Variants in MAVS observed in about 807,000 individuals in gnomAD.
MAVS encodes the protein mitochondrial antiviral-signaling protein.
In MAVS, 20 loss-of-function variants were observed where a neutral mutation model predicts 30.2. That is an observed-to-expected ratio of 0.66 (90% CI 0.47 to 0.96). MAVS has a LOEUF of 0.96. MAVS is among the 40% of genes least tolerant of loss of function. The pLI, the probability that MAVS is intolerant of heterozygous loss-of-function variation, is 0.00. For synonymous variants in MAVS, 278 were observed against 293.9 expected, an observed-to-expected ratio of 0.95 and a Z score of 0.55; for missense variants, 624 against 701.1, an observed-to-expected ratio of 0.89 and a Z score of 1.24.
Position 3,874,486 on chromosome 20 carries a change from G to A in MAVS, c.*8339G>A. 2.9e-6 allele frequency: 1 copy of A among 349,546 alleles called. No individual in the cohort carries two copies. The highest frequency in any genetic ancestry group is 4.2e-5 in the East Asian group (1 of 23,778). 21.7% of individuals were successfully genotyped at this position (349,546 alleles called of 1,614,324 possible). ...CAGGGGTCAAAGGCAGGCAGGGACT[G>A]TGAAATGTTATAGTGGAAAAAAAGG... On this transcript the variant is annotated 3_prime_UTR_variant, in exon 7 of 7. Transcript: ENST00000428216.
chr20:3,848,106 CTT>C (rs879579143), intron 1 of MAVS, among the ~76,000 whole-genome samples: 3 of 146,648 alleles, frequency 2.0e-5, no homozygotes, highest in Admixed American at 6.8e-5. Context: ...AGAAAGGGGT[CTT>C]TTTTTTTTTG....
rs986574731 is a variant in MAVS, at chr20:3,868,007, T to C, written c.*1860T>C. On this transcript the variant is annotated 3_prime_UTR_variant, in exon 7 of 7. Coordinates refer to ENST00000428216, the MANE Select transcript of MAVS (RefSeq NM_020746.5). ...CTCACTGTGGCCCCACCCCAAGCCG[T>C]CAGCCTCCAGGGATCTACACCCTGC... 1.6e-5 allele frequency: 2 copies of C among 122,026 alleles called. No individual in the cohort carries two copies. Among genetic ancestry groups the C allele is most frequent in the African/African-American group, 6.2e-5 (2 of 32,142 alleles). 7.6% of individuals were successfully genotyped at this position (122,026 alleles called of 1,614,324 possible).
chr20:3,867,187 C>T lies in MAVS; in HGVS notation c.*1040C>T. 2.5e-6 allele frequency: 1 copy of T among 393,366 alleles called. No homozygotes were observed. The highest frequency in any genetic ancestry group is 5.1e-6 in the Non-Finnish European group (1 of 195,880). The allele number at this position is 393,366 out of a possible 1,614,324, so 24.4% of individuals were successfully genotyped here. A position where few individuals can be genotyped will look rare whatever the true frequency, so the allele number is the denominator to read the frequency against. On this transcript the variant is annotated 3_prime_UTR_variant, in exon 7 of 7. Coordinates refer to ENST00000428216, the MANE Select transcript of MAVS (RefSeq NM_020746.5). ...AGCACAGGCAGCCTAGGCCTGCGTC[C>T]CAACCTGCCTCTCACCAGCTCTGTG...
In MAVS at chr20:3,851,736, AT is replaced by A. The variant is rs1455228679; in HGVS notation, c.-67-2821del. Among the ~76,000 whole-genome samples, 32 of 152,082 alleles carry A rather than the reference AT, an allele frequency of 2.1e-4. No individual in the cohort carries two copies. In the South Asian group the frequency reaches 6.0e-3, roughly 29 times the overall value. ...TTTGGGAGGCCAAGGCAGGCAGATC[AT>A]CTGAGGTCAGGAGTTCAAGACCAGC... On this transcript the variant is annotated intron_variant, in intron 1 of 6. Transcript: ENST00000428216.
intron 3 of MAVS, 48 bp from the exon 4 acceptor site, chr20:3,861,284 T>C: frequency 6.5e-7 from 1 of 1,546,034 alleles, no homozygotes. Context: ...TGAGCCACTG[T>C]GCCCAGCCCT....
rs2089902385 is a variant in MAVS, at chr20:3,865,807, TAGAC to T, written c.1286_1289del (p.Asp429AlafsTer93). The T allele has an allele frequency of 2.5e-6, 4 of 1,613,774 alleles. No homozygotes were observed. Among genetic ancestry groups the T allele is most frequent in the Non-Finnish European group, 3.4e-6 (4 of 1,180,020 alleles). On this transcript the variant is annotated frameshift_variant, in exon 7 of 7. Transcript: ENST00000428216. LOFTEE classifies it low-confidence loss of function (END_TRUNC). The surrounding 1 kb of genome is among the most constrained non-coding windows in gnomAD (Gnocchi z 4.7). ...AAGCCTGGCGTGCTGGCATCCCAGGTAGACAGCCCGTTCTCGGGCTGCTTCGAGG... is the reference window on the plus strand; with the variant it reads ...AAGCCTGGCGTGCTGGCATCCCAGGTAGCCCGTTCTCGGGCTGCTTCGAGG...
rs774577380 is a variant in MAVS at position 3,865,866 on chromosome 20, G to C, written c.1342G>C (p.Gly448Arg). ...TGCCATCAGTGCCAGCACCTCCTTG[G>C]GCATGGGGCCCTGCCATGGCCCAGA... ...DLAISASTSL[G>R]MGPCHGPEEN... Residue 448 changes from glycine (G) to arginine (R), a missense_variant, in exon 7 of 7, where the codon GGC becomes CGC. Coordinates refer to ENST00000428216, the MANE Select transcript of MAVS (RefSeq NM_020746.5). The surrounding 1 kb of genome is among the most constrained non-coding windows in gnomAD (Gnocchi z 4.7). The C allele has an allele frequency of 1.4e-5, 22 of 1,614,054 alleles. No homozygotes were observed. Among genetic ancestry groups the C allele is most frequent in the Non-Finnish European group, 1.4e-5 (17 of 1,180,040 alleles).
At chr20:3,858,420 C>G (rs6052128) in intron 3 of MAVS, among the ~76,000 whole-genome samples, 1 of 152,068 alleles carries the variant, frequency 6.6e-6, no homozygotes, top group Non-Finnish European at 1.5e-5. Context: ...TGTTTCACAC[C>G]TGTAATCCCA....
Position 3,864,153 on chromosome 20 carries a change from G to GAC in MAVS, c.626-99_626-98dup. 2.3e-6 allele frequency: 3 copies of GAC among 1,301,680 alleles called. No homozygotes were observed. In the East Asian group the frequency reaches 7.0e-5, roughly 30 times the overall value. The allele number at this position is 1,301,680 out of a possible 1,614,324, so 80.6% of individuals were successfully genotyped here. A position where few individuals can be genotyped will look rare whatever the true frequency, so the allele number is the denominator to read the frequency against. On this transcript the variant is annotated intron_variant, in intron 5 of 6. Coordinates refer to ENST00000428216, the MANE Select transcript of MAVS (RefSeq NM_020746.5). Reference sequence around the variant, plus strand: ...CAAGGGCAGGAGATTTGGAGGCCTAGACACAGTAGGGACCATGAGATCTGG... The same window carrying GAC: ...CAAGGGCAGGAGATTTGGAGGCCTAGACACACAGTAGGGACCATGAGATCTGG...
intron 1 of MAVS, among the ~76,000 whole-genome samples, chr20:3,849,412 C>T (rs1311410508): frequency 5.3e-5 from 8 of 151,992 alleles, no homozygotes; most frequent in Non-Finnish European, 8.8e-5. Flanking sequence ...ACCATGTTGG[C>T]GAGGCTGGTC....
rs1401316939 is a variant in MAVS at position 3,875,478 on chromosome 20, A to AAG, written c.*9332_*9333insGA. Reference sequence around the variant, plus strand: ...CTTCTTCAGTGCTGTTTTTATTTAAAAAAAAAAAAAACCAGCCAAAACCAC... The same window carrying AAG: ...CTTCTTCAGTGCTGTTTTTATTTAAAAGAAAAAAAAAAACCAGCCAAAACCAC... On this transcript the variant is annotated 3_prime_UTR_variant, in exon 7 of 7. Coordinates refer to ENST00000428216, the MANE Select transcript of MAVS (RefSeq NM_020746.5). 1.3e-5 allele frequency: 2 copies of AAG among 150,220 alleles called. No homozygotes were observed. The highest frequency in any genetic ancestry group is 5.0e-5 in the African/African-American group (2 of 39,970). The allele number at this position is 150,220 out of a possible 1,614,324, so 9.3% of individuals were successfully genotyped here.
At position 3,850,843 on chromosome 20, in the gene MAVS, A is replaced by G. The variant is rs1288363137; in HGVS notation, c.-67-3715A>G. On this transcript the variant is annotated intron_variant, in intron 1 of 6. Transcript: ENST00000428216. ...GGAGCTTGCAGTGAGCCGAGATTGC[A>G]CCACAGCACTCCAGCTTTGGTGACA... Among the ~76,000 whole-genome samples the G allele has an allele frequency of 4.8e-5, 7 of 147,340 alleles. No homozygotes were observed. In the South Asian group the frequency reaches 1.5e-3, roughly 32 times the overall value.
At position 3,864,381 on chromosome 20, in the gene MAVS, G is replaced by C; in HGVS notation, c.751G>C (p.Gly251Arg). 1 of 1,614,078 alleles carries C rather than the reference G, an allele frequency of 6.2e-7. No homozygotes were observed. ...ACCCACAGGGTCAGTTGTATCTACT[G>C]GCACCTCCTTCTCCTCCTCATCCCC... ...PGPTGSVVST[G>R]TSFSSSSPGL... is the part of the protein sequence containing the mutation. The change falls in exon 6 of 7, where the codon GGC becomes CGC. Residue 251 changes from glycine (G) to arginine (R), a missense_variant. Gly to Arg is a moderately radical substitution (Grantham distance 125). Coordinates refer to ENST00000428216, the MANE Select transcript of MAVS (RefSeq NM_020746.5).
At chr20:3,861,743 TTGTGTGTGTG>T (rs111361032) in intron 4 of MAVS, among the ~76,000 whole-genome samples, 1 of 148,796 alleles carries the variant, frequency 6.7e-6, no homozygotes, top group African/African-American at 2.5e-5. Context: ...GACCACAGTT[TTGTGTGTGTG>T]TGTGTGTGTG....
Position 3,873,995 on chromosome 20 carries a change from A to G in MAVS, c.*7848A>G. ...CACGCTGACTGTAGCCCCAAACCTGAAACAACCCAAATGTCCATCCACCAA... is the reference window on the plus strand; with the variant it reads ...CACGCTGACTGTAGCCCCAAACCTGGAACAACCCAAATGTCCATCCACCAA... On this transcript the variant is annotated 3_prime_UTR_variant, in exon 7 of 7. Transcript: ENST00000428216. 1 of 397,564 alleles carries G rather than the reference A, an allele frequency of 2.5e-6. No homozygotes were observed. Among genetic ancestry groups the G allele is most frequent in the Non-Finnish European group, 4.4e-6 (1 of 225,902 alleles). The allele number at this position is 397,564 out of a possible 1,614,324, so 24.6% of individuals were successfully genotyped here. A position where few individuals can be genotyped will look rare whatever the true frequency, so the allele number is the denominator to read the frequency against.
At chr20:3,847,824 T>G (rs565986660) in intron 1 of MAVS, among the ~76,000 whole-genome samples, 96 of 152,214 alleles carry the variant, frequency 6.3e-4, no homozygotes, top group African/African-American at 2.1e-3. Flanking sequence ...AGGCAGCAGG[T>G]TTTGGGTTCA....
intron 3 of MAVS, among the ~76,000 whole-genome samples, chr20:3,859,101 T>C (rs1244900350): frequency 6.6e-6 from 1 of 151,660 alleles, no homozygotes; most frequent in Non-Finnish European, 1.5e-5. Context: ...TCATGCTTGC[T>C]TTTCTCTCCT....
At chr20:3,849,674 G>T (rs980193942) in intron 1 of MAVS, among the ~76,000 whole-genome samples, 1 of 152,208 alleles carries the variant, frequency 6.6e-6, no homozygotes, top group African/African-American at 2.4e-5. Flanking sequence ...GTTCAGAAAG[G>T]CTTCTTTGAC....
chr20:3,862,993 G>A (rs1458272956), intron 5 of MAVS, among the ~76,000 whole-genome samples: 2 of 152,186 alleles, frequency 1.3e-5, no homozygotes, highest in Non-Finnish European at 2.9e-5. Flanking sequence ...CAGTGGGGCT[G>A]GGTGGAGATG....
Sources: gnomAD v4.1 joint callset for allele counts (sites outside exome capture counted in the v4.1 genomes callset) on GRCh38, gnomAD v4.1.1 for gene constraint, Gnocchi (gnomAD v3.1) non-coding constraint, MANE v1.5 for transcripts, NCBI Gene and HGNC (gene_info 2026-07-23, HGNC 2026-07-21) for gene names.